The following TRERF1 variants were observed in gnomAD, a reference collection of about 807,000 sequenced individuals.
TRERF1 encodes the protein transcriptional-regulating factor 1.
TRERF1 carries 27 observed loss-of-function variants against 122.9 expected under a neutral mutation model. That is an observed-to-expected ratio of 0.22 (90% CI 0.16 to 0.30). The LOEUF is 0.30. TRERF1 is among the 10% of genes least tolerant of loss of function. The pLI is 1.00. For synonymous variants in TRERF1, 636 were observed against 641.7 expected, an observed-to-expected ratio of 0.99 and a Z score of 0.13; for missense variants, 1,248 against 1,560.3, an observed-to-expected ratio of 0.80 and a Z score of 3.37.
intron 2 of TRERF1, among the ~76,000 whole-genome samples, chr6:42,442,787 T>G (rs918608552): frequency 1.3e-4 from 20 of 152,232 alleles, no homozygotes; most frequent in African/African-American, 4.8e-4. Flanking sequence ...CTGTACCACA[T>G]TCTTTTATTT....
intron 5 of TRERF1, 152 bp from the exon 6 acceptor site, chr6:42,265,949 C>G: frequency 1.3e-6 from 1 of 767,648 alleles, no homozygotes; most frequent in Non-Finnish European, 2.2e-6. Flanking sequence ...CCACTCACTC[C>G]CTCACTCTTC....
chr6:42,327,523 T>C (rs1764498358), intron 3 of TRERF1, among the ~76,000 whole-genome samples: 1 of 152,148 alleles, frequency 6.6e-6, no homozygotes, highest in African/African-American at 2.4e-5. Context: ...CCATAAACGT[T>C]TACTGAATAG....
At chr6:42,273,070 G>T (rs1330494849) in intron 4 of TRERF1, among the ~76,000 whole-genome samples, 2 of 151,902 alleles carry the variant, frequency 1.3e-5, no homozygotes. Flanking sequence ...CCCGCCACTG[G>T]GTATCCTTCA....
intron 2 of TRERF1, among the ~76,000 whole-genome samples, chr6:42,408,217 ATATATATATATGTGTGTGTGTATG>A (rs1383782458): frequency 7.5e-6 from 1 of 132,970 alleles, no homozygotes; most frequent in Non-Finnish European, 1.6e-5. Flanking sequence ...ATAAATATAT[ATATATATATATGTGTGTGTGTATG>A]TATATATACA....
intron 2 of TRERF1, among the ~76,000 whole-genome samples, chr6:42,447,737 C>A (rs187794800): frequency 4.5e-4 from 69 of 152,266 alleles, no homozygotes; most frequent in African/African-American, 1.5e-3. Context: ...CAGAGTCTCG[C>A]TCTGTCACCC....
At chr6:42,431,257 T>A (rs894555236) in intron 2 of TRERF1, among the ~76,000 whole-genome samples, 1 of 151,524 alleles carries the variant, frequency 6.6e-6, no homozygotes, top group African/African-American at 2.4e-5. Flanking sequence ...TATATATAAC[T>A]AGCAATTAAT....
chr6:42,448,274 A>G (rs1787889548), intron 2 of TRERF1, among the ~76,000 whole-genome samples: 1 of 152,188 alleles, frequency 6.6e-6, no homozygotes, highest in East Asian at 1.9e-4. Context: ...AGACTTGACC[A>G]AGGATTAGAC....
intron 2 of TRERF1, among the ~76,000 whole-genome samples, chr6:42,450,962 C>T (rs926408672): frequency 6.6e-6 from 1 of 152,172 alleles, no homozygotes; most frequent in African/African-American, 2.4e-5. Flanking sequence ...TAGCGCCCAC[C>T]TCATCCCTCC....
chr6:42,405,378 C>T (rs1780015554), intron 2 of TRERF1, among the ~76,000 whole-genome samples: 1 of 152,126 alleles, frequency 6.6e-6, no homozygotes, highest in South Asian at 2.1e-4. Flanking sequence ...GCCTCCATTT[C>T]CTTATCTGAA....
chr6:42,379,799 G>A (rs1775594388), intron 2 of TRERF1, among the ~76,000 whole-genome samples: 1 of 152,214 alleles, frequency 6.6e-6, no homozygotes, highest in South Asian at 2.1e-4. Context: ...CCAAAGTGCT[G>A]GGATGACATG....
At chr6:42,446,999 T>C (rs1310944977) in intron 2 of TRERF1, among the ~76,000 whole-genome samples, 4 of 152,164 alleles carry the variant, frequency 2.6e-5, no homozygotes, top group African/African-American at 2.4e-5. Flanking sequence ...AGCAAGATGC[T>C]GTCTCAAAGA....
chr6:42,261,620 A>G (rs985020063), intron 8 of TRERF1, among the ~76,000 whole-genome samples: 1 of 152,108 alleles, frequency 6.6e-6, no homozygotes, highest in South Asian at 2.1e-4. Flanking sequence ...GGCAGGTCTC[A>G]GCTGTCTTCA....
chr6:42,332,158 G>A (rs1765352894), intron 3 of TRERF1, among the ~76,000 whole-genome samples: 1 of 152,212 alleles, frequency 6.6e-6, no homozygotes, highest in South Asian at 2.1e-4. Context: ...GGCCAGGCTG[G>A]TCTCAAACTG....
At chr6:42,298,149 T>TTTTGTA (rs1451945937) in intron 4 of TRERF1, among the ~76,000 whole-genome samples, 6 of 151,684 alleles carry the variant, frequency 4.0e-5, no homozygotes, top group Admixed American at 3.9e-4. Context: ...TTTTTTTTGT[T>TTTTGTA]TTTGTTTTTG....
chr6:42,350,718 T>C (rs1360459598), intron 3 of TRERF1, among the ~76,000 whole-genome samples: 2 of 152,190 alleles, frequency 1.3e-5, no homozygotes, highest in African/African-American at 4.8e-5. Context: ...TAAAATGTTA[T>C]TAATCTCAGG....
chr6:42,318,103 G>A (rs1762805722), intron 3 of TRERF1, among the ~76,000 whole-genome samples: 3 of 151,214 alleles, frequency 2.0e-5, no homozygotes, highest in African/African-American at 4.9e-5. Flanking sequence ...GTAGTAAGCC[G>A]AGATCACCCC....
In TRERF1 at chr6:42,268,912, G is replaced by C. The variant is rs1242828922; in HGVS notation, c.679C>G (p.Pro227Ala). ...TCATAATACAGGTGCCCTTGGGTAG[G>C]GTGCTGCCCGACCTGAAGAGCTGGT... Residue 227 changes from proline to alanine, a missense_variant, in exon 5 of 18, where the codon CCT (proline) becomes GCT (alanine). Transcript: ENST00000372922. This position sits in a 1 kb window ranked among gnomAD's most constrained non-coding sequence, Gnocchi z 4.4. 6.2e-7 allele frequency: 1 copy of C among 1,612,876 alleles called. No individual in the cohort carries two copies. The highest frequency in any genetic ancestry group is 1.3e-5 in the African/African-American group (1 of 74,872).
intron 2 of TRERF1, among the ~76,000 whole-genome samples, chr6:42,367,533 C>G (rs1772973742): frequency 6.6e-6 from 1 of 152,166 alleles, no homozygotes; most frequent in Non-Finnish European, 1.5e-5. Context: ...GCTGGGGGCT[C>G]TGTGTGGAGG....
At position 42,258,068 on chromosome 6, in the gene TRERF1, A is replaced by G. The variant is rs143180020; in HGVS notation, c.2336+67T>C. 9,583 of 1,379,884 alleles carry G rather than the reference A, an allele frequency of 6.9e-3. 51 individuals are homozygous for G. The highest frequency in any genetic ancestry group is 7.7e-3 in the Non-Finnish European group (7,528 of 979,788). The allele number at this position is 1,379,884 out of a possible 1,614,324, so 85.5% of individuals were successfully genotyped here. A position where few individuals can be genotyped will look rare whatever the true frequency, so the allele number is the denominator to read the frequency against. On this transcript the variant is annotated intron_variant, in intron 10 of 17. Coordinates refer to ENST00000372922, the Ensembl canonical transcript of TRERF1. ...CTCTCAGTGTAATCCTCTGACTACA[A>G]AAGTATTAACTATACTTCTCAAGAA...
Sources: gnomAD v4.1 joint callset for allele counts (sites outside exome capture counted in the v4.1 genomes callset) on GRCh38, gnomAD v4.1.1 for gene constraint, Gnocchi (gnomAD v3.1) non-coding constraint, MANE v1.5 for transcripts, NCBI Gene and HGNC (gene_info 2026-07-23, HGNC 2026-07-21) for gene names.